Variants in CLSTN2 observed in about 807,000 individuals in gnomAD.
CLSTN2 encodes the protein calsyntenin-2.
In CLSTN2, 48 loss-of-function variants were observed where a neutral mutation model predicts 101.2. The ratio of observed to expected loss-of-function variants is 0.47; its 90% confidence interval spans 0.38 to 0.60. The LOEUF is 0.60. Ranked by LOEUF, CLSTN2 falls within the 20% of genes least tolerant of loss-of-function variation. The pLI, the probability that CLSTN2 is intolerant of heterozygous loss-of-function variation, is 0.00. For synonymous variants in CLSTN2, 481 were observed against 463.6 expected (o/e 1.04, Z -0.48); for missense variants, 1,160 against 1,238.2 (o/e 0.94, Z 0.95).
intron 2 of CLSTN2, among the ~76,000 whole-genome samples, chr3:140,382,013 G>T (rs763684316): frequency 2.6e-5 from 4 of 152,102 alleles, no homozygotes; most frequent in Non-Finnish European, 5.9e-5. Context: ...CATAAGAGGA[G>T]GTTTGTACTC....
chr3:140,080,324 G>T (rs1023320682), intron 1 of CLSTN2, among the ~76,000 whole-genome samples: 1 of 152,188 alleles, frequency 6.6e-6, no homozygotes, highest in Admixed American at 6.5e-5. Flanking sequence ...CTCCAGAATT[G>T]TAATAGCTGT....
At chr3:140,466,807 G>A in intron 8 of CLSTN2, 76 bp downstream of exon 8, 1 of 1,592,224 alleles carries the variant, frequency 6.3e-7, no homozygotes, top group Non-Finnish European at 8.6e-7. Context: ...GGTGATGGCA[G>A]TGGGGAGGCA....
chr3:140,104,809 A>C (rs972657886), intron 1 of CLSTN2, among the ~76,000 whole-genome samples: 8 of 152,214 alleles, frequency 5.3e-5, no homozygotes, highest in African/African-American at 1.9e-4. Context: ...CTTCATCTCT[A>C]CTAAAAATAC....
intron 1 of CLSTN2, among the ~76,000 whole-genome samples, chr3:140,078,433 T>A (rs770994101): frequency 3.3e-5 from 5 of 152,344 alleles, no homozygotes; most frequent in Admixed American, 6.5e-5. Context: ...AATGTACTAC[T>A]GAGACCATTA....
At chr3:140,384,533 C>T (rs1245262321) in intron 2 of CLSTN2, among the ~76,000 whole-genome samples, 1 of 152,128 alleles carries the variant, frequency 6.6e-6, no homozygotes, top group Admixed American at 6.5e-5. Context: ...CCAGTCCTAG[C>T]CTTGATGAGA....
chr3:140,244,870 A>G (rs1019182279), intron 2 of CLSTN2, among the ~76,000 whole-genome samples: 2 of 152,192 alleles, frequency 1.3e-5, no homozygotes, highest in Non-Finnish European at 2.9e-5. Context: ...CCTTATATAT[A>G]TTTTTAAAGT....
intron 1 of CLSTN2, among the ~76,000 whole-genome samples, chr3:139,937,570 C>G (rs899363860): frequency 3.0e-5 from 4 of 133,820 alleles, no homozygotes; most frequent in Non-Finnish European, 6.2e-5. Flanking sequence ...AACCCCGTCT[C>G]TACTAAAAAA....
At chr3:140,021,560 G>T (rs1391916144) in intron 1 of CLSTN2, among the ~76,000 whole-genome samples, 1 of 152,156 alleles carries the variant, frequency 6.6e-6, no homozygotes, top group Non-Finnish European at 1.5e-5. Flanking sequence ...TGGGTGGGTT[G>T]TGTGTGTTTA....
chr3:140,030,550 G>A (rs1371760162), intron 1 of CLSTN2, among the ~76,000 whole-genome samples: 1 of 152,158 alleles, frequency 6.6e-6, no homozygotes, highest in African/African-American at 2.4e-5. Context: ...TAGACTCAGA[G>A]AACACTGGGT....
chr3:140,138,256 A>C (rs2009644771), intron 1 of CLSTN2, among the ~76,000 whole-genome samples: 1 of 152,228 alleles, frequency 6.6e-6, no homozygotes, highest in African/African-American at 2.4e-5. Flanking sequence ...AGTACCTTGC[A>C]GAAAGAGACA....
At chr3:140,415,677 T>C (rs1172833516) in intron 4 of CLSTN2, among the ~76,000 whole-genome samples, 1 of 152,082 alleles carries the variant, frequency 6.6e-6, no homozygotes, top group East Asian at 1.9e-4. Flanking sequence ...TTAGGATGAC[T>C]ACTGTCAAAA....
chr3:140,312,747 G>T (rs2087183367), intron 2 of CLSTN2, among the ~76,000 whole-genome samples: 1 of 152,190 alleles, frequency 6.6e-6, no homozygotes, highest in Non-Finnish European at 1.5e-5. Flanking sequence ...GGAAAAAATT[G>T]GAGGTTTTCA....
chr3:140,221,747 G>A (rs2086275147), intron 2 of CLSTN2, among the ~76,000 whole-genome samples: 1 of 152,134 alleles, frequency 6.6e-6, no homozygotes, highest in Non-Finnish European at 1.5e-5. Context: ...CAACATCATT[G>A]ATCATCAGAG....
At chr3:140,060,449 A>G (rs2008184798) in intron 1 of CLSTN2, among the ~76,000 whole-genome samples, 1 of 152,160 alleles carries the variant, frequency 6.6e-6, no homozygotes, top group South Asian at 2.1e-4. Flanking sequence ...GAACTCCACA[A>G]GGGTAAGGGT....
At chr3:140,357,865 T>A (rs2087690351) in intron 2 of CLSTN2, among the ~76,000 whole-genome samples, 1 of 152,100 alleles carries the variant, frequency 6.6e-6, no homozygotes, top group Non-Finnish European at 1.5e-5. Flanking sequence ...GACTTTATGC[T>A]TAGGAAAAAT....
At chr3:140,468,656 A>G (rs1348601154) in intron 8 of CLSTN2, among the ~76,000 whole-genome samples, 1 of 152,266 alleles carries the variant, frequency 6.6e-6, no homozygotes, top group Non-Finnish European at 1.5e-5. Context: ...ACTGAGGTCC[A>G]GTAGCTTGCG....
intron 1 of CLSTN2, among the ~76,000 whole-genome samples, chr3:139,965,008 C>T (rs1267434943): frequency 1.3e-5 from 2 of 152,126 alleles, no homozygotes; most frequent in Non-Finnish European, 2.9e-5. Flanking sequence ...CAGACAATGC[C>T]ACTACGGTTG....
intron 1 of CLSTN2, among the ~76,000 whole-genome samples, chr3:140,170,270 T>A (rs923591643): frequency 2.0e-5 from 3 of 152,226 alleles, no homozygotes; most frequent in African/African-American, 7.2e-5. Flanking sequence ...ATGAATGATA[T>A]CTTCGTAGTC....
chr3:140,125,274 G>A (rs1576436147), intron 1 of CLSTN2, among the ~76,000 whole-genome samples: 1 of 152,088 alleles, frequency 6.6e-6, no homozygotes, highest in Non-Finnish European at 1.5e-5. Context: ...GAGTGTCAGA[G>A]TCCATTTTAA....
Sources: gnomAD v4.1 joint callset for allele counts (sites outside exome capture counted in the v4.1 genomes callset) on GRCh38, gnomAD v4.1.1 for gene constraint, MANE v1.5 for transcripts, NCBI Gene and HGNC (gene_info 2026-07-23, HGNC 2026-07-21) for gene names.